DGLUCY: variants seen among roughly 807,000 people sequenced by gnomAD.
DGLUCY encodes the protein D-glutamate cyclase, mitochondrial.
A neutral mutation model predicts 58.5 loss-of-function variants in DGLUCY; 58 were observed. That is an observed-to-expected ratio of 0.99 (90% CI 0.80 to 1.23). The LOEUF is 1.23. Among genes scored for constraint, DGLUCY ranks in the 50% most tolerant of loss-of-function variants. DGLUCY has a pLI of 0.00. For synonymous variants in DGLUCY, 325 were observed against 314.1 expected, an observed-to-expected ratio of 1.03 and a Z score of -0.37; for missense variants, 779 against 784.7, an observed-to-expected ratio of 0.99 and a Z score of 0.09.
chr14:91,115,890 TG>T (rs1018115246), intron 1 of DGLUCY, among the ~76,000 whole-genome samples: 2 of 152,338 alleles, frequency 1.3e-5, no homozygotes, highest in Non-Finnish European at 2.9e-5. Flanking sequence ...CTGTAGCTGC[TG>T]GTTTGCCAAA....
intron 1 of DGLUCY, among the ~76,000 whole-genome samples, chr14:91,068,678 TA>T (rs1179905670): frequency 6.6e-6 from 1 of 151,894 alleles, no homozygotes; most frequent in Non-Finnish European, 1.5e-5. Context: ...TCAAAAAAAA[TA>T]AAATAAAACA....
At chr14:91,105,884 C>T (rs921617044), upstream of DGLUCY, among the ~76,000 whole-genome samples, 3 of 152,194 alleles carry the variant, frequency 2.0e-5, no homozygotes, top group African/African-American at 4.8e-5. Context: ...TCTATTACTC[C>T]TGGGCCACAA....
intron 12 of DGLUCY, among the ~76,000 whole-genome samples, chr14:91,210,760 C>G (rs182078572): frequency 7.6e-4 from 115 of 152,220 alleles, no homozygotes; most frequent in African/African-American, 2.6e-3. Context: ...CAGCTAACAT[C>G]GTAATTAATG....
At chr14:91,222,576 A>G (rs1887675903) in intron 13 of DGLUCY, among the ~76,000 whole-genome samples, 2 of 152,224 alleles carry the variant, frequency 1.3e-5, no homozygotes, top group Admixed American at 1.3e-4. Flanking sequence ...ACAGAGGAAC[A>G]TCCTTCTTGG....
chr14:91,137,001 G>A (rs2046378732), intron 1 of DGLUCY, among the ~76,000 whole-genome samples: 1 of 152,056 alleles, frequency 6.6e-6, no homozygotes, highest in Non-Finnish European at 1.5e-5. Flanking sequence ...CCAAGCCTCA[G>A]GGAAAACTCT....
At chr14:91,072,214 C>T in intron 1 of DGLUCY, among the ~76,000 whole-genome samples, 1 of 151,842 alleles carries the variant, frequency 6.6e-6, no homozygotes, top group Non-Finnish European at 1.5e-5. Flanking sequence ...ATCCCAGCTA[C>T]TCGGGAGGCT....
chr14:91,217,381 C>T (rs147922743), intron 13 of DGLUCY, among the ~76,000 whole-genome samples: 20 of 152,064 alleles, frequency 1.3e-4, no homozygotes, highest in East Asian at 1.2e-3. Context: ...CAGAAGAGCC[C>T]GAGATTGGGT....
At chr14:91,107,705 T>C (rs1318585605), upstream of DGLUCY, among the ~76,000 whole-genome samples, 6 of 152,054 alleles carry the variant, frequency 3.9e-5, no homozygotes, top group East Asian at 9.6e-4. Flanking sequence ...CTTGTGAAGC[T>C]TAGATTCCAG....
At chr14:91,220,298 G>A in intron 13 of DGLUCY, 1 of 360,490 alleles carries the variant, frequency 2.8e-6, no homozygotes, top group Admixed American at 3.6e-5. Context: ...TTGGGTGATT[G>A]GAAGATGGAA....
At chr14:91,110,329 A>C (rs1489155695), upstream of DGLUCY, among the ~76,000 whole-genome samples, 3 of 152,198 alleles carry the variant, frequency 2.0e-5, no homozygotes, top group Non-Finnish European at 4.4e-5. Flanking sequence ...CTTAAGAAAA[A>C]ATGGAAAAGG....
chr14:91,108,526 T>TGTGTGTGTGTGTGTGTGA (rs1265665234), intron 1 of DGLUCY, among the ~76,000 whole-genome samples: 4 of 52,122 alleles, frequency 7.7e-5, no homozygotes, highest in African/African-American at 1.9e-4. Context: ...TGTGTGTGTG[T>TGTGTGTGTGTGTGTGTGA]GAGAGAGAGA....
intron 11 of DGLUCY, among the ~76,000 whole-genome samples, chr14:91,202,478 A>T (rs2040248107): frequency 6.6e-6 from 1 of 152,110 alleles, no homozygotes; most frequent in African/African-American, 2.4e-5. Context: ...TTCTGCGCTG[A>T]TTAGAACGTT....
chr14:91,215,044 G>C (rs1006886910), intron 12 of DGLUCY, among the ~76,000 whole-genome samples: 4 of 152,164 alleles, frequency 2.6e-5, no homozygotes, highest in Admixed American at 6.5e-5. Context: ...AGCTGCTCAG[G>C]AGGCTGAGGC....
chr14:91,073,949 C>T (rs570738122), intron 1 of DGLUCY, among the ~76,000 whole-genome samples: 16 of 151,664 alleles, frequency 1.1e-4, no homozygotes, highest in African/African-American at 2.2e-4. Context: ...AGCAAACCCC[C>T]ATCTCTACAA....
intron 7 of DGLUCY, 135 bp from the exon 8 acceptor site, chr14:91,181,051 C>T (rs1478068946): frequency 1.3e-5 from 9 of 696,450 alleles, no homozygotes; most frequent in Non-Finnish European, 1.9e-5. Flanking sequence ...GACCTTGGTG[C>T]CAGCAGGTGG....
At chr14:91,208,560 G>A (rs1377905853) in intron 12 of DGLUCY, among the ~76,000 whole-genome samples, 1 of 152,022 alleles carries the variant, frequency 6.6e-6, no homozygotes, top group African/African-American at 2.4e-5. Flanking sequence ...ACCAGCCTGG[G>A]CAACATGGGG....
chr14:91,066,927 A>G (rs2043831876), intron 1 of DGLUCY, among the ~76,000 whole-genome samples: 2 of 151,874 alleles, frequency 1.3e-5, no homozygotes, highest in African/African-American at 4.8e-5. Flanking sequence ...AAAAAAAAAA[A>G]AAAATTAGCC....
intron 1 of DGLUCY, among the ~76,000 whole-genome samples, chr14:91,153,847 C>A (rs2047459581): frequency 6.6e-6 from 1 of 152,220 alleles, no homozygotes; most frequent in South Asian, 2.1e-4. Context: ...CATACAGCCT[C>A]AGGCGGTCCT....
chr14:91,129,711 A>G (rs1054922493), intron 1 of DGLUCY, among the ~76,000 whole-genome samples: 1 of 151,826 alleles, frequency 6.6e-6, no homozygotes, highest in Admixed American at 6.6e-5. Context: ...CAATGGCGCA[A>G]TCTCGGCTCA....
Sources: allele counts gnomAD v4.1 joint callset (sites outside exome capture counted in the v4.1 genomes callset), GRCh38; gene constraint gnomAD v4.1.1; transcripts MANE v1.5; gene names NCBI Gene and HGNC (gene_info 2026-07-23, HGNC 2026-07-21).